Variants in EHD4 observed in about 807,000 individuals in gnomAD.
EHD4 encodes EH domain-containing protein 4.
A neutral mutation model predicts 51.0 loss-of-function variants in EHD4; 37 were observed. The ratio of observed to expected loss-of-function variants is 0.73; its 90% CI spans 0.56 to 0.95. The LOEUF is 0.95. EHD4 is among the 40% of genes least tolerant of loss of function. The pLI, the probability that EHD4 is intolerant of heterozygous loss-of-function variation, is 0.00. For synonymous variants in EHD4, 297 were observed against 317.3 expected (o/e 0.94, Z 0.68); for missense variants, 632 against 733.1 (o/e 0.86, Z 1.59).
intron 5 of EHD4, chr15:41,908,619 A>C (rs1243628138): frequency 6.6e-6 from 1 of 152,178 alleles, no homozygotes; most frequent in African/African-American, 2.4e-5. Flanking sequence ...CTGACATACA[A>C]ATCCAGATTT....
Position 41,905,704 on chromosome 15 carries a change from T to A in EHD4, c.1089+3995A>T, listed in dbSNP as rs567989093. ...TTTTCTGTTTTTTGACAGGGTCTCC[T>A]CTGTCGCCCAGGCTGGAGTGCAGTG... On this transcript the variant is annotated intron_variant, in intron 5 of 5. Coordinates refer to ENST00000220325, the MANE Select transcript of EHD4 (RefSeq NM_139265.4). Among the ~76,000 whole-genome samples the A allele has an allele frequency of 7.2e-5, 11 of 152,342 alleles. No homozygotes were observed. In the East Asian group the frequency reaches 2.1e-3, roughly 29 times the overall value.
At chr15:41,942,263 T>C (rs1429464510) in intron 3 of EHD4, 1 of 119,380 alleles carries the variant, frequency 8.4e-6, no homozygotes, top group Non-Finnish European at 1.7e-5. Context: ...TTTTTTTTTT[T>C]TGAGACGGAG....
rs145192764 is a variant in EHD4, at chr15:41,930,509, C to T, written c.512-10887G>A. Among the ~76,000 whole-genome samples the T allele has an allele frequency of 3.2e-3, 480 of 152,284 alleles. 4 individuals carry two copies. The highest frequency in any genetic ancestry group is 0.011 in the African/African-American group (444 of 41,544). On this transcript the variant is annotated intron_variant, in intron 3 of 5. Transcript: ENST00000220325. ...AGGGCAAAGGTAATGTTTCTTCAGG[C>T]TACAGTTTTCTAAAGAGAAATGTTA...
chr15:41,941,115 TA>T (rs896379261), intron 3 of EHD4, among the ~76,000 whole-genome samples: 20 of 148,242 alleles, frequency 1.3e-4, no homozygotes, highest in Admixed American at 2.7e-4. Context: ...AACTGACTCT[TA>T]AAAAAAAAAA....
intron 1 of EHD4, among the ~76,000 whole-genome samples, chr15:41,962,969 G>C (rs2067935645): frequency 6.6e-6 from 1 of 152,332 alleles, no homozygotes; most frequent in East Asian, 1.9e-4. Context: ...TCTGCCTTGG[G>C]ATGCTGTTAA....
At chr15:41,971,711 C>T (rs773377468) in intron 1 of EHD4, among the ~76,000 whole-genome samples, 5 of 152,230 alleles carry the variant, frequency 3.3e-5, no homozygotes, top group Non-Finnish European at 7.3e-5. Context: ...GGTGCATGAA[C>T]TGAACGTAGG....
intron 3 of EHD4, chr15:41,926,025 T>C (rs775908325): frequency 3.9e-5 from 6 of 152,162 alleles, no homozygotes; most frequent in Non-Finnish European, 8.8e-5. Flanking sequence ...TTACATTTCT[T>C]TTCAGAGCCA....
intron 5 of EHD4, among the ~76,000 whole-genome samples, chr15:41,901,733 A>T (rs899661886): frequency 2.0e-5 from 3 of 152,152 alleles, no homozygotes; most frequent in African/African-American, 7.2e-5. Flanking sequence ...CGGAACACGT[A>T]AAAAAATGTA....
chr15:41,911,957 C>T (rs1173742135), intron 4 of EHD4, among the ~76,000 whole-genome samples: 1 of 152,186 alleles, frequency 6.6e-6, no homozygotes, highest in East Asian at 1.9e-4. Context: ...CGAGGTTGGG[C>T]ACACTGTTCC....
Position 41,972,416 on chromosome 15 carries a change from C to G in EHD4, c.79G>C (p.Gly27Arg). The G allele has an allele frequency of 6.2e-7, 1 of 1,608,296 alleles. No individual in the cohort carries two copies. The highest frequency in any genetic ancestry group is 1.1e-5 in the South Asian group (1 of 90,472). ...GADAVQTVTGGLRSLYLRKVL... is the reference protein window; with the variant it reads ...GADAVQTVTGRLRSLYLRKVL... ...TTGCGCAGGTAGAGCGAGCGCAGCC[C>G]GCCCGTCACCGTCTGCACCGCGTCC... The change falls in exon 1 of 6, where the codon GGG becomes CGG. Residue 27 changes from glycine (G) to arginine (R), a missense_variant. Coordinates refer to ENST00000220325, the MANE Select transcript of EHD4 (RefSeq NM_139265.4).
At chr15:41,918,176 C>A (rs1179761456) in intron 4 of EHD4, among the ~76,000 whole-genome samples, 1 of 151,686 alleles carries the variant, frequency 6.6e-6, no homozygotes. Flanking sequence ...ATGGCAGCAT[C>A]CATACCATGA....
At chr15:41,933,566 T>C (rs2067712599) in intron 3 of EHD4, among the ~76,000 whole-genome samples, 1 of 152,124 alleles carries the variant, frequency 6.6e-6, no homozygotes, top group African/African-American at 2.4e-5. Context: ...TTTCTCGGCA[T>C]GGATTGCCAC....
intron 3 of EHD4, chr15:41,941,636 G>T (rs1015763794): frequency 6.7e-6 from 1 of 149,550 alleles, no homozygotes; most frequent in African/African-American, 2.5e-5. Context: ...GCCCGGGAAA[G>T]GTGACCTTAA....
At chr15:41,926,651 G>C (rs1168997105) in intron 3 of EHD4, among the ~76,000 whole-genome samples, 1 of 152,206 alleles carries the variant, frequency 6.6e-6, no homozygotes, top group Non-Finnish European at 1.5e-5. Flanking sequence ...AAAACTGTGA[G>C]TGTCCCTGAT....
At chr15:41,968,917 C>A (rs2067978636) in intron 1 of EHD4, among the ~76,000 whole-genome samples, 1 of 152,188 alleles carries the variant, frequency 6.6e-6, no homozygotes, top group Admixed American at 6.5e-5. Flanking sequence ...AAGAGAAACT[C>A]CACGCCCACT....
intron 2 of EHD4, among the ~76,000 whole-genome samples, chr15:41,945,532 G>A (rs542668926): frequency 4.1e-4 from 62 of 152,286 alleles, no homozygotes; most frequent in African/African-American, 1.5e-3. Context: ...GCTTTGGCTG[G>A]GGCACCTCAA....
intron 4 of EHD4, among the ~76,000 whole-genome samples, chr15:41,918,242 A>ACACACACG (rs1347109024): frequency 8.1e-4 from 106 of 130,560 alleles, no homozygotes; most frequent in South Asian, 3.1e-3. Context: ...ACACACACAC[A>ACACACACG]CGCGCATGTT....
rs1268731051 is a variant in EHD4 at position 41,900,930 on chromosome 15, G to A, written c.1341C>T (p.Asp447=). 1 of 1,614,118 alleles carries A rather than the reference G, an allele frequency of 6.2e-7. No individual in the cohort carries two copies. The highest frequency in any genetic ancestry group is 1.7e-5 in the Admixed American group (1 of 60,016). The part of the protein sequence containing the change: ...ADEEEWVVAK[D]KPVYDELFYT... Reference sequence around the variant, plus strand: ...AGAAGAGCTCGTCGTAGACGGGCTTGTCTTTGGCCACGACCCACTCCTCCT... The same window carrying A: ...AGAAGAGCTCGTCGTAGACGGGCTTATCTTTGGCCACGACCCACTCCTCCT... Residue 447 remains aspartate, a synonymous_variant, in exon 6 of 6, where the codon GAC becomes GAT. Transcript: ENST00000220325. The surrounding 1 kb of genome is among the most constrained non-coding windows in gnomAD (Gnocchi z 4.8).
At chr15:41,927,215 G>C (rs910853607) in intron 3 of EHD4, among the ~76,000 whole-genome samples, 2 of 152,192 alleles carry the variant, frequency 1.3e-5, no homozygotes, top group Non-Finnish European at 2.9e-5. Context: ...TTACTACTGA[G>C]CACAGTAGGT....
Sources: gnomAD v4.1 joint callset for allele counts (sites outside exome capture counted in the v4.1 genomes callset) on GRCh38, gnomAD v4.1.1 for gene constraint, Gnocchi (gnomAD v3.1) non-coding constraint, MANE v1.5 for transcripts, NCBI Gene and HGNC (gene_info 2026-07-23, HGNC 2026-07-21) for gene names.